Variants in PVT1 observed in about 807,000 individuals in gnomAD.
The protein encoded by PVT1 is CXCR4/PVT1 fusion.
Position 128,015,076 on chromosome 8 carries a change from TTTATTTATTTATTTA to T in PVT1, n.912+25800_912+25814del, listed in dbSNP as rs559794888. ...ATAGATTTATTTATTTATTTATTTA[TTTATTTATTTATTTA>T]TTATTTATTTATTTTTGAGACAGGG... On this transcript the variant is annotated intron_variant and non_coding_transcript_variant, in intron 4 of 10. Coordinates refer to ENST00000651587, the Ensembl canonical transcript of PVT1. 4.5e-3 allele frequency among the ~76,000 whole-genome samples: 676 copies of T among 150,756 alleles called. 13 individuals carry two copies. Among genetic ancestry groups the T allele is most frequent in the African/African-American group, 0.016 (638 of 40,932 alleles).
chr8:127,877,080 G>A (rs1236568112), intron 2 of PVT1, among the ~76,000 whole-genome samples: 4 of 152,206 alleles, frequency 2.6e-5, no homozygotes, highest in African/African-American at 9.6e-5. Flanking sequence ...GAGAGGACAG[G>A]TTTAGCAGAG....
chr8:128,078,797 A>T (rs1288305618), intron 5 of PVT1, among the ~76,000 whole-genome samples: 2 of 152,134 alleles, frequency 1.3e-5, no homozygotes, highest in African/African-American at 4.8e-5. Flanking sequence ...GTCCGTTTAT[A>T]CCAGTGTTGA....
intron 4 of PVT1, among the ~76,000 whole-genome samples, chr8:128,035,748 A>T (rs1813454514): frequency 6.6e-6 from 1 of 152,210 alleles, no homozygotes; most frequent in African/African-American, 2.4e-5. Context: ...GTGGTTCCTT[A>T]TTAGAGGGAG....
At chr8:127,940,206 T>G (rs540463043) in intron 3 of PVT1, 1 of 152,342 alleles carries the variant, frequency 6.6e-6, no homozygotes, top group East Asian at 1.9e-4. Context: ...ACATTTTTAT[T>G]GCCATAATCC....
chr8:127,849,013 G>A, intron 2 of PVT1, among the ~76,000 whole-genome samples: 1 of 152,190 alleles, frequency 6.6e-6, no homozygotes. Flanking sequence ...CCTGTGTGAT[G>A]CTGAATTGCT....
Position 128,021,573 on chromosome 8 carries a change from G to A in PVT1, n.912+32282G>A, listed in dbSNP as rs577036141. ...CTCCCAAAGTGCTGGGATTACAGGC[G>A]TGAGCAACCGCGCCCGGCCTGTCTG... On this transcript the variant is annotated intron_variant and non_coding_transcript_variant, in intron 4 of 10. Transcript: ENST00000651587. Among the ~76,000 whole-genome samples, 31 of 152,194 alleles carry A rather than the reference G, an allele frequency of 2.0e-4. 1 individual carries two copies. Among genetic ancestry groups the A allele is most frequent in the African/African-American group, 5.8e-4 (24 of 41,542 alleles).
chr8:128,041,009 TTC>T (rs1813525250), intron 4 of PVT1, among the ~76,000 whole-genome samples: 1 of 143,690 alleles, frequency 7.0e-6, no homozygotes, highest in Non-Finnish European at 1.5e-5. Context: ...GCTTTTGTGT[TTC>T]TGTGTGCTTT....
intron 2 of PVT1, among the ~76,000 whole-genome samples, chr8:127,844,143 C>T (rs1459455089): frequency 2.0e-5 from 3 of 151,766 alleles, no homozygotes; most frequent in African/African-American, 4.8e-5. Flanking sequence ...CCACCATGCC[C>T]GGCTAATTTT....
Position 127,879,286 on chromosome 8 carries a change from C to G in PVT1, n.373-11303C>G, listed in dbSNP as rs141589110. ...GCTCCTGCCTGTAATCCCAGCACTTCGGGAGGCCAAGGCCGGGGTATCAGT... is the reference window on the plus strand; with the variant it reads ...GCTCCTGCCTGTAATCCCAGCACTTGGGGAGGCCAAGGCCGGGGTATCAGT... On this transcript the variant is annotated intron_variant and non_coding_transcript_variant, in intron 2 of 10. Transcript: ENST00000651587. 1.2e-4 allele frequency among the ~76,000 whole-genome samples: 18 copies of G among 152,082 alleles called. No individual in the cohort carries two copies. The East Asian group carries it at 1.7e-3, about 15-fold the overall frequency.
intron 2 of PVT1, among the ~76,000 whole-genome samples, chr8:127,878,718 A>G (rs1054134135): frequency 1.3e-5 from 2 of 152,376 alleles, no homozygotes; most frequent in Admixed American, 6.5e-5. Flanking sequence ...TCATATTCCC[A>G]TAACTTTTAG....
In PVT1 at chr8:127,806,191, C is replaced by T. The variant is rs113187342; in HGVS notation, n.372+10120C>T. 9.2e-5 allele frequency among the ~76,000 whole-genome samples: 14 copies of T among 152,148 alleles called. 2 individuals carry two copies. Among genetic ancestry groups the T allele is most frequent in the African/African-American group, 2.2e-4 (9 of 41,516 alleles). ...GAAAGCAAAGTAGATGGCTGGGCAC[C>T]GTGGCTCATGCCTATAATCCCAGCA... is the stretch of plus-strand genomic sequence containing the variant. On this transcript the variant is annotated intron_variant and non_coding_transcript_variant, in intron 2 of 10. Transcript: ENST00000651587.
chr8:127,813,218 T>TATATAATATATACAA (rs1432303979), intron 2 of PVT1, among the ~76,000 whole-genome samples: 1 of 146,934 alleles, frequency 6.8e-6, no homozygotes, highest in African/African-American at 2.5e-5. Context: ...CAAATATATA[T>TATATAATATATACAA]ATATAATATA....
intron 3 of PVT1, among the ~76,000 whole-genome samples, chr8:127,957,334 C>T (rs905147845): frequency 1.3e-5 from 2 of 152,128 alleles, no homozygotes; most frequent in South Asian, 2.1e-4. Context: ...TATGCGAGAC[C>T]GAGGTGGGCA....
At chr8:128,084,539 C>G (rs1407718796) in intron 5 of PVT1, among the ~76,000 whole-genome samples, 1 of 152,074 alleles carries the variant, frequency 6.6e-6, no homozygotes, top group Non-Finnish European at 1.5e-5. Flanking sequence ...TTTGCATCCT[C>G]CAGCAAAATG....
At chr8:127,841,400 A>G (rs1412665592) in intron 2 of PVT1, among the ~76,000 whole-genome samples, 1 of 151,896 alleles carries the variant, frequency 6.6e-6, no homozygotes, top group African/African-American at 2.4e-5. Flanking sequence ...CAGCCTCTCA[A>G]GTAGCTGGGA....
At chr8:127,954,398 G>A (rs545890923) in intron 3 of PVT1, among the ~76,000 whole-genome samples, 13 of 150,748 alleles carry the variant, frequency 8.6e-5, no homozygotes, top group Admixed American at 3.3e-4. Flanking sequence ...AGGTTCAAGC[G>A]ATTTTCCGGC....
intron 4 of PVT1, among the ~76,000 whole-genome samples, chr8:128,044,015 A>ATTTTTTTTTT: frequency 7.9e-6 from 1 of 127,352 alleles, no homozygotes; most frequent in Non-Finnish European, 1.6e-5. Context: ...TTATTTATTT[A>ATTTTTTTTTT]TTTTTTTTTT....
intron 5 of PVT1, among the ~76,000 whole-genome samples, chr8:128,087,718 C>G (rs2130162554): frequency 6.9e-6 from 1 of 145,836 alleles, no homozygotes; most frequent in South Asian, 2.2e-4. Flanking sequence ...TGGAAACCCT[C>G]TAACTCTGCT....
At chr8:128,034,988 G>A (rs960266694) in intron 4 of PVT1, among the ~76,000 whole-genome samples, 2 of 152,248 alleles carry the variant, frequency 1.3e-5, no homozygotes, top group Non-Finnish European at 2.9e-5. Flanking sequence ...GGCATGAGCA[G>A]TAGCTATTAT....
Sources: gnomAD v4.1 joint callset for allele counts (sites outside exome capture counted in the v4.1 genomes callset) on GRCh38, gnomAD v4.1.1 for gene constraint, MANE v1.5 for transcripts, NCBI Gene and HGNC (gene_info 2026-07-23, HGNC 2026-07-21) for gene names.